The following ZMAT3 variants were observed in gnomAD, a reference collection of about 807,000 sequenced individuals.
ZMAT3 encodes the protein zinc finger matrin-type protein 3.
A neutral mutation model predicts 32.3 loss-of-function variants in ZMAT3; 17 were observed. The ratio of observed to expected loss-of-function variants is 0.53; its 90% CI spans 0.36 to 0.79. The LOEUF is 0.79. Among genes scored for constraint, ZMAT3 ranks in the 30% least tolerant of loss-of-function variants. The pLI is 0.00. For missense variants in ZMAT3, 329 were observed against 359.7 expected (o/e 0.91, Z 0.69); for synonymous variants, 120 against 133.1 (o/e 0.90, Z 0.68).
At chr3:179,044,800 T>C (rs1720140372) in intron 2 of ZMAT3, among the ~76,000 whole-genome samples, 1 of 152,042 alleles carries the variant, frequency 6.6e-6, no homozygotes, top group Non-Finnish European at 1.5e-5. Context: ...AAATACCTTA[T>C]GTTCTCACTC....
intron 2 of ZMAT3, among the ~76,000 whole-genome samples, chr3:179,060,500 T>G (rs1158575927): frequency 6.6e-6 from 1 of 151,990 alleles, no homozygotes; most frequent in African/African-American, 2.4e-5. Context: ...AAAAATTAGC[T>G]GGGCGTGGTG....
chr3:179,026,403 T>TTG lies in ZMAT3; in HGVS notation c.658+1018_658+1019dup, dbSNP rs1553798755. Among the ~76,000 whole-genome samples the TTG allele has an allele frequency of 6.3e-4, 90 of 143,888 alleles. 1 individual carries two copies. Among genetic ancestry groups the TTG allele is most frequent in the Middle Eastern group, 7.2e-3 (2 of 278 alleles). 94.4% of individuals were successfully genotyped at this position (143,888 alleles called of 152,430 possible). ...GCTTTTTTTTTTTTTTTTTTTTTTT[T>TTG]TGAGACAGAGTCTTGCTCTGTCACC... On this transcript the variant is annotated intron_variant, in intron 5 of 5. Transcript: ENST00000311417.
intron 2 of ZMAT3, among the ~76,000 whole-genome samples, chr3:179,058,680 C>T (rs1439801925): frequency 6.9e-6 from 1 of 144,960 alleles, no homozygotes; most frequent in Non-Finnish European, 1.5e-5. Flanking sequence ...GGCATGAACC[C>T]GGGAGGCGGA....
chr3:179,060,896 A>G (rs1227628948), intron 2 of ZMAT3, among the ~76,000 whole-genome samples: 1 of 152,204 alleles, frequency 6.6e-6, no homozygotes, highest in South Asian at 2.1e-4. Context: ...TCTCTTCAGC[A>G]ACATTAGATA....
chr3:179,042,120 G>A (rs954560998), intron 2 of ZMAT3, among the ~76,000 whole-genome samples: 2 of 152,038 alleles, frequency 1.3e-5, no homozygotes, highest in African/African-American at 4.8e-5. Context: ...AAAAGTCCAG[G>A]GCCAGACAGA....
chr3:179,054,891 T>C (rs764735693), intron 2 of ZMAT3, among the ~76,000 whole-genome samples: 4 of 152,190 alleles, frequency 2.6e-5, no homozygotes, highest in East Asian at 3.9e-4. Flanking sequence ...TTCATCCTAA[T>C]TGAGCTGAAC....
Position 179,022,513 on chromosome 3 carries a change from A to G in ZMAT3, c.*2504T>C, listed in dbSNP as rs977738383. On this transcript the variant is annotated 3_prime_UTR_variant, in exon 6 of 6. Coordinates refer to ENST00000311417, the MANE Select transcript of ZMAT3 (RefSeq NM_022470.4). The stretch of plus-strand genomic sequence containing the variant: ...ATCATAGAACCAAGCGGCCAGCACT[A>G]TAATGTTAAAATTAACCAAAAAATT... 2.0e-5 allele frequency: 3 copies of G among 152,122 alleles called. No individual in the cohort carries two copies. Among genetic ancestry groups the G allele is most frequent in the Admixed American group, 2.0e-4 (3 of 15,272 alleles). 9.4% of individuals were successfully genotyped at this position (152,122 alleles called of 1,614,324 possible). A position where few individuals can be genotyped will look rare whatever the true frequency, so the allele number is the denominator to read the frequency against.
chr3:179,031,450 C>T (rs1719186973), intron 2 of ZMAT3, among the ~76,000 whole-genome samples: 2 of 151,806 alleles, frequency 1.3e-5, no homozygotes, highest in South Asian at 4.2e-4. Flanking sequence ...TTCCTTCACA[C>T]ATACACAACC....
chr3:179,048,040 AGTC>A (rs1445051102), intron 2 of ZMAT3, among the ~76,000 whole-genome samples: 1 of 152,240 alleles, frequency 6.6e-6, no homozygotes, highest in Non-Finnish European at 1.5e-5. Flanking sequence ...TCAGCAATAG[AGTC>A]GGACAAGTAG....
Position 179,024,943 on chromosome 3 carries a change from A to C in ZMAT3, c.*74T>G, listed in dbSNP as rs1718783994. The C allele has an allele frequency of 7.1e-7, 1 of 1,401,804 alleles. No individual in the cohort carries two copies. 86.8% of individuals were successfully genotyped at this position (1,401,804 alleles called of 1,614,324 possible). On this transcript the variant is annotated 3_prime_UTR_variant, in exon 6 of 6. Coordinates refer to ENST00000311417, the MANE Select transcript of ZMAT3 (RefSeq NM_022470.4). The stretch of plus-strand genomic sequence containing the variant: ...AGAGGAATGTACTCATATCAAAAAG[A>C]CCACAAAGCAGGGCAAGTTGACAAA...
chr3:179,037,232 G>A (rs1553800454), intron 2 of ZMAT3, among the ~76,000 whole-genome samples: 1 of 152,152 alleles, frequency 6.6e-6, no homozygotes, highest in Non-Finnish European at 1.5e-5. Flanking sequence ...CGACTGAGCT[G>A]TAACATGCCC....
chr3:179,054,712 C>T lies in ZMAT3; in HGVS notation c.270+12771G>A, dbSNP rs187616568. 3.1e-3 allele frequency among the ~76,000 whole-genome samples: 479 copies of T among 152,310 alleles called. 2 individuals are homozygous for T. Among genetic ancestry groups the T allele is most frequent in the Non-Finnish European group, 2.2e-3 (152 of 68,028 alleles). On this transcript the variant is annotated intron_variant, in intron 2 of 5. Transcript: ENST00000311417. ...TTTGCTAAGGCTGGAGCAGAGCTTT[C>T]GCTCACCATCCAACACTGCTGCTTG...
chr3:179,057,793 G>A (rs1350734133), intron 2 of ZMAT3, among the ~76,000 whole-genome samples: 2 of 152,096 alleles, frequency 1.3e-5, no homozygotes, highest in Non-Finnish European at 2.9e-5. Context: ...TTCCTTAACG[G>A]GTTTCTGCCG....
rs1381082728 is a variant in ZMAT3, at chr3:179,021,970, T to A, written c.*3047A>T. 4.6e-5 allele frequency: 7 copies of A among 152,190 alleles called. No homozygotes were observed. Among genetic ancestry groups the A allele is most frequent in the Admixed American group, 4.6e-4 (7 of 15,284 alleles). The allele number at this position is 152,190 out of a possible 1,614,324, so 9.4% of individuals were successfully genotyped here. On this transcript the variant is annotated 3_prime_UTR_variant, in exon 6 of 6. Coordinates refer to ENST00000311417, the MANE Select transcript of ZMAT3 (RefSeq NM_022470.4). ...TAACTTTTACAAGTGATCATGGAAG[T>A]TATTTATCAACTTCCCAGAGTTTGG...
chr3:179,064,273 G>A (rs576283294), intron 2 of ZMAT3, among the ~76,000 whole-genome samples: 41 of 152,116 alleles, frequency 2.7e-4, no homozygotes, highest in Non-Finnish European at 5.6e-4. Flanking sequence ...AATAATGAAG[G>A]TACAGCTTGG....
Position 179,067,824 on chromosome 3 carries a change from A to G in ZMAT3, c.-57-15T>C, listed in dbSNP as rs1449132813. ...GGTCTTCAAATCTGAATCAACAGCA[A>G]AAAAACAGAAAAAAAAACTCACTTG... is the stretch of plus-strand genomic sequence containing the variant. On this transcript the variant is annotated splice_polypyrimidine_tract_variant and intron_variant, in intron 1 of 5. Coordinates refer to ENST00000311417, the MANE Select transcript of ZMAT3 (RefSeq NM_022470.4). The G allele has an allele frequency of 6.4e-7, 1 of 1,552,946 alleles. No homozygotes were observed. The highest frequency in any genetic ancestry group is 2.1e-5 in the Admixed American group (1 of 48,464).
intron 2 of ZMAT3, among the ~76,000 whole-genome samples, chr3:179,048,786 A>G (rs1720384453): frequency 6.6e-6 from 1 of 152,142 alleles, no homozygotes; most frequent in African/African-American, 2.4e-5. Context: ...AAAAAAAAAA[A>G]AAAAACAGCA....
In ZMAT3 at chr3:179,017,348, A is replaced by G. The variant is rs1718326858; in HGVS notation, c.*7669T>C. The G allele has an allele frequency of 6.6e-6, 1 of 152,212 alleles. No homozygotes were observed. Among genetic ancestry groups the G allele is most frequent in the Non-Finnish European group, 1.5e-5 (1 of 68,036 alleles). 9.4% of individuals were successfully genotyped at this position (152,212 alleles called of 1,614,324 possible). A position where few individuals can be genotyped will look rare whatever the true frequency, so the allele number is the denominator to read the frequency against. ...TACACAGCCAAAATGAGCCATCAAC[A>G]AAAGCAGTATAAATTTTAAATAAGT... On this transcript the variant is annotated 3_prime_UTR_variant, in exon 6 of 6. Transcript: ENST00000311417.
intron 2 of ZMAT3, among the ~76,000 whole-genome samples, chr3:179,054,452 T>G (rs1002545217): frequency 1.3e-5 from 2 of 152,218 alleles, no homozygotes; most frequent in African/African-American, 4.8e-5. Flanking sequence ...ATGCTATGAA[T>G]TGAGAATAAA....
Sources: allele counts gnomAD v4.1 joint callset (sites outside exome capture counted in the v4.1 genomes callset), GRCh38; gene constraint gnomAD v4.1.1; transcripts MANE v1.5; gene names NCBI Gene and HGNC (gene_info 2026-07-23, HGNC 2026-07-21).